TDRD3: variants seen among roughly 807,000 people sequenced by gnomAD.
TDRD3 encodes tudor domain containing 3, also known as tudor domain-containing protein 3.
A neutral mutation model predicts 86.7 loss-of-function variants in TDRD3; 45 were observed. The observed-to-expected ratio is 0.52, with a 90% CI of 0.41 to 0.67. The LOEUF (loss-of-function observed/expected upper bound fraction) is 0.67, where lower values mean the gene tolerates loss of function less well. TDRD3 is among the 30% of genes least tolerant of loss of function. The probability of loss-of-function intolerance (pLI) is 0.00; values close to 1 mark genes in which losing one functional copy is unlikely to be tolerated. For synonymous variants in TDRD3, 298 were observed against 301.7 expected, an observed-to-expected ratio of 0.99 and a Z score of 0.13; for missense variants, 814 against 889.0, an observed-to-expected ratio of 0.92 and a Z score of 1.07.
chr13:60,565,041 C>CTTTTTTTTT lies in TDRD3; in HGVS notation c.2119-2460_2119-2452dup, dbSNP rs869194148. Among the ~76,000 whole-genome samples the CTTTTTTTTT allele has an allele frequency of 5.1e-4, 36 of 70,880 alleles. 5 individuals are homozygous for CTTTTTTTTT. Among genetic ancestry groups the CTTTTTTTTT allele is most frequent in the African/African-American group, 1.8e-3 (29 of 16,184 alleles). The allele number at this position is 70,880 out of a possible 152,430, so 46.5% of individuals were successfully genotyped here. ...GAACTGAAAACCAAACTATCAGTAT[C>CTTTTTTTTT]TTTTTTTTTTTTTTTTTTTTTTTTT... On this transcript the variant is annotated intron_variant, in intron 12 of 13. Transcript: ENST00000377881.
intron 6 of TDRD3, among the ~76,000 whole-genome samples, chr13:60,484,514 C>T (rs1956385611): frequency 6.6e-6 from 1 of 151,798 alleles, no homozygotes; most frequent in Non-Finnish European, 1.5e-5. Context: ...ATCTGTGTTT[C>T]CATAATAAGG....
At chr13:60,448,127 G>T (rs1245259233) in intron 3 of TDRD3, among the ~76,000 whole-genome samples, 1 of 152,076 alleles carries the variant, frequency 6.6e-6, no homozygotes. Context: ...TAGTTAATAA[G>T]ACTTAGATAA....
intron 12 of TDRD3, among the ~76,000 whole-genome samples, chr13:60,558,793 G>A (rs1958261120): frequency 6.6e-6 from 1 of 151,610 alleles, no homozygotes. Context: ...AGAAAAAGAG[G>A]CCACCCCACC....
At chr13:60,411,670 C>G (rs1202333646) in intron 1 of TDRD3, among the ~76,000 whole-genome samples, 1 of 151,958 alleles carries the variant, frequency 6.6e-6, no homozygotes, top group Admixed American at 6.6e-5. Context: ...CATTTAAGGA[C>G]CCAGGTTCCT....
intron 12 of TDRD3, among the ~76,000 whole-genome samples, chr13:60,544,273 AAAAAT>A (rs1392201727): frequency 1.3e-5 from 2 of 151,782 alleles, no homozygotes; most frequent in Non-Finnish European, 2.9e-5. Flanking sequence ...CTTACTTTAC[AAAAAT>A]AAAATAAAAT....
rs1955965793 is a variant in TDRD3, at chr13:60,467,263, G to A, written c.379G>A (p.Val127Ile). The A allele has an allele frequency of 1.2e-6, 2 of 1,613,672 alleles. No individual in the cohort carries two copies. The highest frequency in any genetic ancestry group is 2.2e-5 in the South Asian group (2 of 91,076). Residue 127 changes from valine to isoleucine, a missense_variant, in exon 5 of 14, where the codon GTT becomes ATT. By Grantham distance (29) the Val-to-Ile change is conservative. Coordinates refer to ENST00000377881, the MANE Select transcript of TDRD3 (RefSeq NM_001146070.2). ...CCTGAACACACCACCTGGAACTAAA[G>A]TTAAGCTCTCAGGCATTGTTGACAT... ...ISLNTPPGTK[V>I]KLSGIVDIKN...
At chr13:60,526,463 C>G (rs1957435672) in intron 10 of TDRD3, among the ~76,000 whole-genome samples, 1 of 152,118 alleles carries the variant, frequency 6.6e-6, no homozygotes, top group African/African-American at 2.4e-5. Flanking sequence ...CACTGCTATT[C>G]TTCCCGAAAT....
At chr13:60,411,796 C>T (rs1239286646) in intron 1 of TDRD3, among the ~76,000 whole-genome samples, 1 of 152,058 alleles carries the variant, frequency 6.6e-6, no homozygotes, top group African/African-American at 2.4e-5. Context: ...CAAACCTCAC[C>T]AGCATCTTAA....
At chr13:60,453,368 A>G (rs776136142) in intron 3 of TDRD3, among the ~76,000 whole-genome samples, 23 of 152,236 alleles carry the variant, frequency 1.5e-4, no homozygotes, top group Non-Finnish European at 1.8e-4. Flanking sequence ...ATTCAGTTCT[A>G]CTTAGATAAA....
chr13:60,459,603 GTC>G (rs1955761303), intron 3 of TDRD3, among the ~76,000 whole-genome samples: 1 of 152,164 alleles, frequency 6.6e-6, no homozygotes, highest in Non-Finnish European at 1.5e-5. Flanking sequence ...TAAACTTGAT[GTC>G]TCTGAACAGA....
At position 60,472,826 on chromosome 13, in the gene TDRD3, G is replaced by T. The variant is rs115088166; in HGVS notation, c.495+5447G>T. ...GGTACTGAAAGTAGCAAAAATTATA[G>T]AGAGAGAGTACAATGGTGATTTCCA... On this transcript the variant is annotated intron_variant, in intron 5 of 13. Coordinates refer to ENST00000377881, the MANE Select transcript of TDRD3 (RefSeq NM_001146070.2). 6.3e-3 allele frequency among the ~76,000 whole-genome samples: 954 copies of T among 152,180 alleles called. 6 individuals carry two copies. Among genetic ancestry groups the T allele is most frequent in the African/African-American group, 0.021 (883 of 41,534 alleles).
intron 3 of TDRD3, among the ~76,000 whole-genome samples, chr13:60,452,400 C>A (rs1302653383): frequency 6.6e-6 from 1 of 151,928 alleles, no homozygotes; most frequent in African/African-American, 2.4e-5. Context: ...CATTATTATT[C>A]TTATATATTC....
At chr13:60,435,636 G>A (rs540375189) in intron 1 of TDRD3, among the ~76,000 whole-genome samples, 1 of 152,274 alleles carries the variant, frequency 6.6e-6, no homozygotes, top group East Asian at 1.9e-4. Context: ...ATTCTATGGT[G>A]TATATATGCC....
intron 1 of TDRD3, among the ~76,000 whole-genome samples, chr13:60,438,079 T>G (rs1955165497): frequency 6.6e-6 from 1 of 152,190 alleles, no homozygotes; most frequent in African/African-American, 2.4e-5. Context: ...ACTGTAAACT[T>G]CTTGAGGGCA....
intron 1 of TDRD3, among the ~76,000 whole-genome samples, chr13:60,435,569 C>T (rs1173165848): frequency 1.3e-5 from 2 of 152,150 alleles, no homozygotes; most frequent in Non-Finnish European, 2.9e-5. Flanking sequence ...TGGCCTCCAG[C>T]TCCATCCAAG....
At chr13:60,507,015 C>G (rs1233913327) in intron 8 of TDRD3, among the ~76,000 whole-genome samples, 1 of 152,020 alleles carries the variant, frequency 6.6e-6, no homozygotes, top group Non-Finnish European at 1.5e-5. Flanking sequence ...GGAATATTTA[C>G]CAAGCAAATG....
At chr13:60,461,006 T>TAC (rs756500442) in intron 4 of TDRD3, 2 of 151,358 alleles carry the variant, frequency 1.3e-5, no homozygotes, top group East Asian at 3.9e-4. Context: ...GTCTCAAAAA[T>TAC]ATATATATAT....
intron 4 of TDRD3, among the ~76,000 whole-genome samples, chr13:60,462,616 T>C (rs1955825160): frequency 6.6e-6 from 1 of 152,192 alleles, no homozygotes; most frequent in African/African-American, 2.4e-5. Context: ...TGCATTTCTC[T>C]GCGGTGCTTG....
At chr13:60,459,734 C>T (rs1464858236) in intron 3 of TDRD3, among the ~76,000 whole-genome samples, 1 of 152,202 alleles carries the variant, frequency 6.6e-6, no homozygotes, top group Non-Finnish European at 1.5e-5. Context: ...GATTCTTCTG[C>T]CTCAGCCTCC....
Sources: allele counts gnomAD v4.1 joint callset (sites outside exome capture counted in the v4.1 genomes callset), GRCh38; gene constraint gnomAD v4.1.1; transcripts MANE v1.5; gene names NCBI Gene and HGNC (gene_info 2026-07-23, HGNC 2026-07-21).